The following RASAL2 variants were observed in gnomAD, a reference collection of about 807,000 sequenced individuals.
The protein encoded by RASAL2 is ras GTPase-activating protein nGAP.
In RASAL2, 58 loss-of-function variants were observed where a neutral mutation model predicts 128.9. That is an observed-to-expected ratio of 0.45 (90% CI 0.36 to 0.56). The LOEUF (loss-of-function observed/expected upper bound fraction) is 0.56. RASAL2 is among the 20% of genes least tolerant of loss of function. The pLI is 0.00. For missense variants in RASAL2, 1,360 were observed against 1,601.6 expected, an observed-to-expected ratio of 0.85 and a Z score of 2.57; for synonymous variants, 561 against 580.8, an observed-to-expected ratio of 0.97 and a Z score of 0.49.
Position 178,456,864 on chromosome 1 carries a change from T to C in RASAL2, c.2355T>C (p.Ser785=), listed in dbSNP as rs760678278. ...SSPNVSGSLS[S]GLQKIFEDPT... is the part of the protein sequence containing the mutation. ...CAAATGTCAGTGGAAGCCTCTCCTC[T>C]GGGCTGCAGAAAATATTTGAAGACC... is the stretch of plus-strand genomic sequence containing the variant. The change falls in exon 13 of 18, where the codon TCT becomes TCC. Residue 785 remains serine (S), a synonymous_variant. Transcript: ENST00000367649. 5 of 1,614,160 alleles carry C rather than the reference T, an allele frequency of 3.1e-6. No individual in the cohort carries two copies. The East Asian group carries it at 1.1e-4, about 36-fold the overall frequency.
chr1:178,397,964 C>G (rs1290053219), intron 4 of RASAL2, among the ~76,000 whole-genome samples: 1 of 151,788 alleles, frequency 6.6e-6, no homozygotes. Context: ...AATTGTATCT[C>G]AGTAAAACTT....
intron 4 of RASAL2, chr1:178,411,904 T>A (rs1378952318): frequency 5.8e-6 from 4 of 685,970 alleles, no homozygotes; most frequent in Non-Finnish European, 1.1e-5. Context: ...CAGTCGGCCT[T>A]CAGAGCCCTT....
At chr1:178,121,682 T>G (rs974482063) in intron 1 of RASAL2, among the ~76,000 whole-genome samples, 12 of 152,012 alleles carry the variant, frequency 7.9e-5, no homozygotes, top group Non-Finnish European at 1.8e-4. Flanking sequence ...GCTGGGGTTT[T>G]GCCGTGTTAG....
chr1:178,166,066 T>A (rs1361907870), intron 1 of RASAL2, among the ~76,000 whole-genome samples: 3 of 152,148 alleles, frequency 2.0e-5, no homozygotes, highest in Non-Finnish European at 4.4e-5. Flanking sequence ...CTGTAAGTGT[T>A]CCCTCATCTC....
chr1:178,435,122 A>G (rs991693923), intron 5 of RASAL2, among the ~76,000 whole-genome samples: 12 of 152,116 alleles, frequency 7.9e-5, no homozygotes, highest in Admixed American at 7.9e-4. Context: ...AGCAGTCTGG[A>G]ATCACAACTG....
rs527500791 is a variant in RASAL2, at chr1:178,214,270, A to AGAAT, written c.203-69272_203-69269dup. Among the ~76,000 whole-genome samples the AGAAT allele has an allele frequency of 2.4e-3, 358 of 152,148 alleles. 3 individuals carry two copies. Among genetic ancestry groups the AGAAT allele is most frequent in the Admixed American group, 7.1e-3 (108 of 15,288 alleles). On this transcript the variant is annotated intron_variant, in intron 1 of 17. Coordinates refer to ENST00000367649, the MANE Select transcript of RASAL2 (RefSeq NM_170692.4). ...GCCTGGATGACTGAGTGAGAACCTT[A>AGAAT]GAATGAATGAATGAATGAATGAATG...
At chr1:178,113,764 C>G (rs910411872) in intron 1 of RASAL2, among the ~76,000 whole-genome samples, 1 of 151,940 alleles carries the variant, frequency 6.6e-6, no homozygotes, top group African/African-American at 2.4e-5. Flanking sequence ...ATCTATAGAT[C>G]AATTTTGGGG....
intron 11 of RASAL2, among the ~76,000 whole-genome samples, chr1:178,454,196 TAAAAAA>T (rs56786408): frequency 3.7e-5 from 3 of 80,234 alleles, no homozygotes; most frequent in African/African-American, 6.8e-5. Context: ...ATCCCAGAAC[TAAAAAA>T]AAAAAAAAAA....
chr1:178,260,344 T>G, intron 1 of RASAL2, among the ~76,000 whole-genome samples: 1 of 16,802 alleles, frequency 6.0e-5, no homozygotes, highest in Non-Finnish European at 1.1e-4. Context: ...AGAGCGAGAC[T>G]CGTCTCAAAA....
chr1:178,442,621 G>C, intron 7 of RASAL2, 54 bp from the exon 8 acceptor site: 1 of 1,415,574 alleles, frequency 7.1e-7, no homozygotes, highest in Non-Finnish European at 9.6e-7. Context: ...AGAAAAAAAT[G>C]TTTTTTTTTC....
intron 1 of RASAL2, among the ~76,000 whole-genome samples, chr1:178,202,186 C>G (rs1191463886): frequency 6.6e-6 from 1 of 152,142 alleles, no homozygotes. Context: ...GTTTGACTTA[C>G]AGTATCCATC....
At chr1:178,390,441 G>A (rs562639650) in intron 4 of RASAL2, among the ~76,000 whole-genome samples, 10 of 152,060 alleles carry the variant, frequency 6.6e-5, no homozygotes, top group African/African-American at 2.4e-5. Context: ...GTGCAGTGGC[G>A]CGATAACACT....
chr1:178,290,348 G>A (rs1667219081), intron 2 of RASAL2, among the ~76,000 whole-genome samples: 1 of 152,048 alleles, frequency 6.6e-6, no homozygotes, highest in Non-Finnish European at 1.5e-5. Context: ...TTCTTTCCAT[G>A]ATATATCTAC....
rs16852438 is a variant in RASAL2 at position 178,102,930 on chromosome 1, C to T, written c.202+8236C>T. 8.4e-4 allele frequency among the ~76,000 whole-genome samples: 128 copies of T among 152,192 alleles called. 3 individuals carry two copies. The South Asian group carries it at 0.026, about 31-fold the overall frequency. On this transcript the variant is annotated intron_variant, in intron 1 of 17. Coordinates refer to ENST00000367649, the MANE Select transcript of RASAL2 (RefSeq NM_170692.4). ...ATAGATAGATATGTAAAAATCCTGC[C>T]ATAAGTGGGATCCAAGAAATCTAGT...
chr1:178,122,232 T>C (rs1478192762), intron 1 of RASAL2, among the ~76,000 whole-genome samples: 1 of 152,224 alleles, frequency 6.6e-6, no homozygotes, highest in African/African-American at 2.4e-5. Context: ...AGGTGAAATG[T>C]AAAAACATCA....
At chr1:178,132,801 C>G (rs1490592937) in intron 1 of RASAL2, among the ~76,000 whole-genome samples, 1 of 137,848 alleles carries the variant, frequency 7.3e-6, no homozygotes, top group East Asian at 2.1e-4. Flanking sequence ...CGGAGTCTTG[C>G]TCTGTCACCC....
chr1:178,426,985 A>G (rs1389624302), intron 5 of RASAL2, among the ~76,000 whole-genome samples: 1 of 152,118 alleles, frequency 6.6e-6, no homozygotes, highest in Non-Finnish European at 1.5e-5. Context: ...AGATATAATG[A>G]GGGCTCCAAG....
At chr1:178,264,418 A>G (rs1417475107) in intron 1 of RASAL2, among the ~76,000 whole-genome samples, 1 of 152,156 alleles carries the variant, frequency 6.6e-6, no homozygotes, top group Non-Finnish European at 1.5e-5. Context: ...TCTATTTCTA[A>G]AATTCTCTCT....
At chr1:178,149,617 T>A (rs1177665206) in intron 1 of RASAL2, among the ~76,000 whole-genome samples, 1 of 152,050 alleles carries the variant, frequency 6.6e-6, no homozygotes, top group African/African-American at 2.4e-5. Flanking sequence ...AGTCCACATC[T>A]TCTTTGTGAG....
Sources: gnomAD v4.1 joint callset for allele counts (sites outside exome capture counted in the v4.1 genomes callset) on GRCh38, gnomAD v4.1.1 for gene constraint, MANE v1.5 for transcripts, NCBI Gene and HGNC (gene_info 2026-07-23, HGNC 2026-07-21) for gene names.